KLHL6: variants seen among roughly 807,000 people sequenced by gnomAD.
The protein encoded by KLHL6 is kelch like family member 6, also known as kelch-like protein 6.
KLHL6 carries 41 observed loss-of-function variants against 58.6 expected under a neutral mutation model. The ratio of observed to expected loss-of-function variants is 0.70; its 90% confidence interval spans 0.55 to 0.91. The LOEUF is 0.91. Among genes scored for constraint, KLHL6 ranks in the 40% least tolerant of loss-of-function variants. KLHL6 has a pLI of 0.00. For synonymous variants in KLHL6, 338 were observed against 322.7 expected (o/e 1.05, Z -0.51); for missense variants, 714 against 805.6 (o/e 0.89, Z 1.38).
In KLHL6 at chr3:183,492,485, A is replaced by G. The variant is rs780686873; in HGVS notation, c.1564+9T>C. The G allele has an allele frequency of 4.3e-6, 7 of 1,613,990 alleles. No homozygotes were observed. The highest frequency in any genetic ancestry group is 1.1e-5 in the South Asian group (1 of 91,068). ...AAGCCATTCAGACCAATAAGAAGCC[A>G]TTACTCACCAACGACATAGATGCGG... On this transcript the variant is annotated intron_variant, in intron 6 of 6. Coordinates refer to ENST00000341319, the MANE Select transcript of KLHL6 (RefSeq NM_130446.4). This position sits in a 1 kb window ranked among gnomAD's most constrained non-coding sequence, Gnocchi z 5.9.
intron 1 of KLHL6, among the ~76,000 whole-genome samples, chr3:183,536,044 G>A (rs922968719): frequency 6.6e-6 from 1 of 152,208 alleles, no homozygotes; most frequent in Non-Finnish European, 1.5e-5. Context: ...AAAGTGCTGG[G>A]ATTACAGGTG....
chr3:183,515,768 G>T (rs1458883451), intron 2 of KLHL6, among the ~76,000 whole-genome samples: 3 of 152,104 alleles, frequency 2.0e-5, no homozygotes, highest in Non-Finnish European at 2.9e-5. Context: ...CAGCTTCTAG[G>T]TCATACTTGG....
chr3:183,515,265 G>A (rs1711524374), intron 2 of KLHL6, among the ~76,000 whole-genome samples: 1 of 152,140 alleles, frequency 6.6e-6, no homozygotes, highest in Admixed American at 6.6e-5. Context: ...AATTGTTTAA[G>A]GGCTGGGCAC....
At position 183,508,325 on chromosome 3, in the gene KLHL6, C is replaced by G; in HGVS notation, c.643G>C (p.Val215Leu). ...LNSEEFLDLP[V>L]DTLHHILKSD... ...TTCAAGATGTGGTGCAGAGTGTCCA[C>G]GGGCAGGTCAAGAAACTCCTCAGAG... Residue 215 changes from valine to leucine, a missense_variant, in exon 3 of 7, where the codon GTG becomes CTG. Physicochemically the swap from Val to Leu is conservative, Grantham distance 32. Coordinates refer to ENST00000341319, the MANE Select transcript of KLHL6 (RefSeq NM_130446.4). 1 of 1,614,178 alleles carries G rather than the reference C, an allele frequency of 6.2e-7. No homozygotes were observed. The highest frequency in any genetic ancestry group is 8.5e-7 in the Non-Finnish European group (1 of 1,180,026).
rs750445260 is a variant in KLHL6 at position 183,491,904 on chromosome 3, C to G, written c.*23G>C. 6.9e-7 allele frequency: 1 copy of G among 1,453,834 alleles called. No homozygotes were observed. The highest frequency in any genetic ancestry group is 9.1e-7 in the Non-Finnish European group (1 of 1,098,952). 90.1% of individuals were successfully genotyped at this position (1,453,834 alleles called of 1,614,324 possible). ...GCGGGTACGCTGAGGGTCGGGGGGG[C>G]TCTCCAGCTCCCCATCCTGCCGTCA... On this transcript the variant is annotated 3_prime_UTR_variant, in exon 7 of 7. Transcript: ENST00000341319.
At chr3:183,494,394 AG>A (rs1231161865) in intron 4 of KLHL6, 113 bp from the exon 5 acceptor site, 105 of 819,906 alleles carry the variant, frequency 1.3e-4, no homozygotes, top group Non-Finnish European at 2.0e-4. Context: ...CCCTACCCTG[AG>A]GGGAGATACA....
At chr3:183,513,535 G>T (rs559926509) in intron 2 of KLHL6, among the ~76,000 whole-genome samples, 30 of 152,280 alleles carry the variant, frequency 2.0e-4, no homozygotes, top group Non-Finnish European at 3.1e-4. Flanking sequence ...ACAAGATGCC[G>T]GTTCCTATTC....
At chr3:183,509,125 G>A (rs1278599672) in intron 2 of KLHL6, among the ~76,000 whole-genome samples, 1 of 152,156 alleles carries the variant, frequency 6.6e-6, no homozygotes, top group Non-Finnish European at 1.5e-5. Context: ...AGGAGAGGGA[G>A]AACCTAAAGA....
intron 1 of KLHL6, chr3:183,544,607 C>T (rs1217894648): frequency 1.3e-5 from 2 of 152,002 alleles, no homozygotes; most frequent in Admixed American, 1.3e-4. Context: ...TTTATTTTTC[C>T]TTTTGTCCAG....
chr3:183,492,637 C>G lies in KLHL6; in HGVS notation c.1421G>C (p.Gly474Ala). Residue 474 changes from glycine to alanine, a missense_variant, in exon 6 of 7, where the codon GGG becomes GCG. Around this residue, in one of 2 missense-constraint regions of KLHL6, gnomAD observed 510 missense variants for 629.7 expected, o/e 0.81. Transcript: ENST00000341319. This position sits in a 1 kb window ranked among gnomAD's most constrained non-coding sequence, Gnocchi z 5.9. ...TSHKKKLYVI[G>A]GGPNGKLATD... Reference sequence around the variant, plus strand: ...GGCCAGTTTCCCATTGGGCCCTCCCCCGATCACATACAGCTTCTTCTTATG... The same window carrying G: ...GGCCAGTTTCCCATTGGGCCCTCCCGCGATCACATACAGCTTCTTCTTATG... 1 of 1,614,162 alleles carries G rather than the reference C, an allele frequency of 6.2e-7. No individual in the cohort carries two copies. Among genetic ancestry groups the G allele is most frequent in the South Asian group, 1.1e-5 (1 of 91,078 alleles).
Position 183,492,114 on chromosome 3 carries a change from A to G in KLHL6, c.1679T>C (p.Leu560Pro). 2 of 1,613,826 alleles carry G rather than the reference A, an allele frequency of 1.2e-6. No homozygotes were observed. The highest frequency in any genetic ancestry group is 1.7e-6 in the Non-Finnish European group (2 of 1,180,016). ...SCGIAPCNNR[L>P]YITGGRDEKN... ...CTCGTCCCGCCCGCCGGTGATGTAG[A>G]GCCGGTTGTTGCAGGGCGCGATACC... is the stretch of plus-strand genomic sequence containing the variant. Residue 560 changes from leucine to proline, a missense_variant, in exon 7 of 7, where the codon CTC (leucine) becomes CCC (proline). Transcript: ENST00000341319. The surrounding 1 kb of genome is among the most constrained non-coding windows in gnomAD (Gnocchi z 5.9).
In KLHL6 at chr3:183,555,423, A is replaced by C; in HGVS notation, c.231T>G (p.Cys77Trp). 6.2e-7 allele frequency: 1 copy of C among 1,614,172 alleles called. No individual in the cohort carries two copies. Among genetic ancestry groups the C allele is most frequent in the Non-Finnish European group, 8.5e-7 (1 of 1,180,030 alleles). Reference sequence around the variant, plus strand: ...GGCAGGAGAATTCCTGAATGTCCACACACAAGATGACATCTGTCAGAGCGT... The same window carrying C: ...GGCAGGAGAATTCCTGAATGTCCACCCACAAGATGACATCTGTCAGAGCGT... ...MENALTDVIL[C>W]VDIQEFSCHR... The change falls in exon 1 of 7, where the codon TGT becomes TGG. Residue 77 changes from cysteine (C) to tryptophan (W), a missense_variant. By Grantham distance (215) the Cys-to-Trp change is radical. This residue lies in a region of KLHL6 where 204 missense variants were observed against 175.9 expected (regional missense o/e 1.16). Transcript: ENST00000341319.
intron 1 of KLHL6, among the ~76,000 whole-genome samples, chr3:183,529,924 AAGAGGAAC>A (rs1371011877): frequency 6.6e-6 from 1 of 152,116 alleles, no homozygotes; most frequent in Non-Finnish European, 1.5e-5. Flanking sequence ...TTCTTATAAG[AAGAGGAAC>A]AGAGACCAGA....
chr3:183,511,158 A>G (rs1306332578), intron 2 of KLHL6, among the ~76,000 whole-genome samples: 1 of 152,190 alleles, frequency 6.6e-6, no homozygotes, highest in African/African-American at 2.4e-5. Flanking sequence ...GCAGGGTGAT[A>G]GTGGGGAGAA....
chr3:183,517,905 G>A (rs1353460892), intron 2 of KLHL6, among the ~76,000 whole-genome samples: 1 of 152,188 alleles, frequency 6.6e-6, no homozygotes, highest in Non-Finnish European at 1.5e-5. Flanking sequence ...GTAGGGCACA[G>A]GAGCAGGAAT....
chr3:183,527,577 G>T (rs1444033566), intron 2 of KLHL6, among the ~76,000 whole-genome samples: 2 of 152,134 alleles, frequency 1.3e-5, no homozygotes. Context: ...TAGGTTCTAG[G>T]CACAAAGCTC....
In KLHL6 at chr3:183,488,500, C is replaced by T. The variant is rs1459927043; in HGVS notation, c.*3427G>A. The stretch of plus-strand genomic sequence containing the variant: ...TCCTTGGAACCTGACCTCCTCCTAC[C>T]CCATCTTCTTCTTCCCAGCCAGGGG... On this transcript the variant is annotated 3_prime_UTR_variant, in exon 7 of 7. Transcript: ENST00000341319. 1 of 152,652 alleles carries T rather than the reference C, an allele frequency of 6.6e-6. No homozygotes were observed. Among genetic ancestry groups the T allele is most frequent in the African/African-American group, 2.4e-5 (1 of 41,408 alleles). The allele number at this position is 152,652 out of a possible 1,614,324, so 9.5% of individuals were successfully genotyped here. A position where few individuals can be genotyped will look rare whatever the true frequency, so the allele number is the denominator to read the frequency against.
At chr3:183,554,887 G>A (rs576403685) in intron 1 of KLHL6, among the ~76,000 whole-genome samples, 17 of 152,234 alleles carry the variant, frequency 1.1e-4, no homozygotes, top group Admixed American at 9.8e-4. Flanking sequence ...GTGATAAGCC[G>A]GGCGCAGCGT....
chr3:183,525,271 C>A lies in KLHL6; in HGVS notation c.459+2574G>T, dbSNP rs571690139. Among the ~76,000 whole-genome samples, 1,062 of 145,480 alleles carry A rather than the reference C, an allele frequency of 7.3e-3. 4 individuals carry two copies. Among genetic ancestry groups the A allele is most frequent in the Middle Eastern group, 0.021 (6 of 292 alleles). On this transcript the variant is annotated intron_variant, in intron 2 of 6. Transcript: ENST00000341319. ...AGAGTGAGACTCTCTAAAAAAAAAA[C>A]ACACACACACACACACACACACACT...
Sources: gnomAD v4.1 joint callset for allele counts (sites outside exome capture counted in the v4.1 genomes callset) on GRCh38, gnomAD v4.1.1 for gene constraint, gnomAD v4.1.1 regional missense constraint, Gnocchi (gnomAD v3.1) non-coding constraint, MANE v1.5 for transcripts, NCBI Gene and HGNC (gene_info 2026-07-23, HGNC 2026-07-21) for gene names.